The following DOCK6 variants were observed in gnomAD, a reference collection of about 807,000 sequenced individuals.
DOCK6 encodes the protein dedicator of cytokinesis protein 6.
In DOCK6, 167 loss-of-function variants were observed where a neutral mutation model predicts 230.3. The observed-to-expected ratio is 0.73, with a 90% CI of 0.64 to 0.82. DOCK6 has a LOEUF of 0.82. Ranked by LOEUF, DOCK6 falls within the 40% of genes least tolerant of loss-of-function variation. The pLI is 0.00. For synonymous variants in DOCK6, 1,148 were observed against 1,185.0 expected (o/e 0.97, Z 0.64); for missense variants, 2,598 against 2,825.8 (o/e 0.92, Z 1.83).
intron 14 of DOCK6, chr19:11,239,516 C>T: frequency 8.1e-7 from 1 of 1,232,438 alleles, no homozygotes. Context: ...GCACCACTGC[C>T]AGGCCCTTGT....
chr19:11,257,482 T>A (rs1253015365), intron 1 of DOCK6, among the ~76,000 whole-genome samples: 3 of 78,626 alleles, frequency 3.8e-5, no homozygotes, highest in Non-Finnish European at 4.5e-5. Context: ...CACTGTCTCT[T>A]AAAAAAAAAA....
At chr19:11,232,106 G>A in intron 22 of DOCK6, 1 of 1,117,300 alleles carries the variant, frequency 9.0e-7, no homozygotes, top group Non-Finnish European at 1.2e-6. Context: ...CCCTAGGTTA[G>A]TCAGATGCAG....
chr19:11,209,116 T>TGAGGGGGGATGTGAG lies in DOCK6; in HGVS notation c.4752-28_4752-14dup, dbSNP rs1568671723. On this transcript the variant is annotated splice_polypyrimidine_tract_variant and intron_variant, in intron 37 of 47. Coordinates refer to ENST00000294618, the MANE Select transcript of DOCK6 (RefSeq NM_020812.4). ...GCCCCGGGCAATTCTGGAGTCCAGG[T>TGAGGGGGGATGTGAG]GAGGGGGGATGTGAGGAGGGGACTC... is the stretch of plus-strand genomic sequence containing the variant. The TGAGGGGGGATGTGAG allele has an allele frequency of 6.2e-7, 1 of 1,607,886 alleles. No individual in the cohort carries two copies.
rs1262685548 is a variant in DOCK6 at position 11,243,282 on chromosome 19, T to C, written c.1362A>G (p.Leu454=). The C allele has an allele frequency of 6.2e-7, 1 of 1,608,852 alleles. No homozygotes were observed. Among genetic ancestry groups the C allele is most frequent in the Non-Finnish European group, 8.5e-7 (1 of 1,177,712 alleles). ...CCTGCTTAAAGAAGTTTGTGACAGT[T>C]AGCGTGGCTGGACGGAAGCCAGAGA... ...CSFSGFRPAT[L]TVTNFFKQEA... The change falls in exon 12 of 48, where the codon CTA becomes CTG. Residue 454 remains leucine (L), a synonymous_variant. Transcript: ENST00000294618. The surrounding 1 kb of genome is among the most constrained non-coding windows in gnomAD (Gnocchi z 6.3).
chr19:11,246,712 G>A (rs765067501), intron 7 of DOCK6, among the ~76,000 whole-genome samples: 7 of 152,112 alleles, frequency 4.6e-5, no homozygotes, highest in Non-Finnish European at 7.4e-5. Context: ...CAACTTCCGG[G>A]TTTCCCCATC....
At position 11,222,706 on chromosome 19, in the gene DOCK6, G is replaced by C. The variant is rs2079599383; in HGVS notation, c.3240+29C>G. On this transcript the variant is annotated intron_variant, in intron 26 of 47. Coordinates refer to ENST00000294618, the MANE Select transcript of DOCK6 (RefSeq NM_020812.4). This position sits in a 1 kb window ranked among gnomAD's most constrained non-coding sequence, Gnocchi z 4.0. ...TGAAGGTGAGAGGTTGTAGGTCAAA[G>C]AGAGGAGGCAGAAGTGAAGGCAGCC... is the stretch of plus-strand genomic sequence containing the variant. 3 of 1,547,194 alleles carry C rather than the reference G, an allele frequency of 1.9e-6. No individual in the cohort carries two copies. Among genetic ancestry groups the C allele is most frequent in the Admixed American group, 2.0e-5 (1 of 51,092 alleles).
At chr19:11,257,775 A>T (rs5027412) in intron 1 of DOCK6, among the ~76,000 whole-genome samples, 122,008 of 151,500 alleles carry the variant, frequency 0.81, 49,473 homozygotes, top group East Asian at 0.92. Context: ...GGCAACAGAA[A>T]GAAACGCTGT....
chr19:11,228,628 C>T (rs1183663147), intron 23 of DOCK6, among the ~76,000 whole-genome samples: 7 of 148,408 alleles, frequency 4.7e-5, no homozygotes, highest in South Asian at 2.1e-4. Flanking sequence ...GGCACGATCT[C>T]GGCTCACTGC....
chr19:11,250,876 C>T lies in DOCK6; in HGVS notation c.718G>A (p.Glu240Lys), dbSNP rs750510535. 5.0e-6 allele frequency: 8 copies of T among 1,593,034 alleles called. No individual in the cohort carries two copies. Among genetic ancestry groups the T allele is most frequent in the East Asian group, 2.3e-5 (1 of 44,270 alleles). The change falls in exon 6 of 48, where the codon GAG becomes AAG. Residue 240 changes from glutamate (E) to lysine (K), a missense_variant and splice_region_variant. Transcript: ENST00000294618. ...ALLTLYPAPD[E>K]DEAVERCSRP... ...GATATCTGGGAAGGGGCACCCACCT[C>T]GTCAGGTGCCGGGTAGAGGGTGAGC...
At chr19:11,227,504 G>A in intron 23 of DOCK6, 27 bp from the exon 24 acceptor site, 3 of 1,549,042 alleles carry the variant, frequency 1.9e-6, no homozygotes, top group Non-Finnish European at 2.6e-6. Context: ...AGGGCTGTGG[G>A]TGGGATTTGA....
rs2079157156 is a variant in DOCK6 at position 11,200,826 on chromosome 19, T to G, written c.5833-4A>C. On this transcript the variant is annotated splice_polypyrimidine_tract_variant and splice_region_variant and intron_variant, in intron 45 of 47. Coordinates refer to ENST00000294618, the MANE Select transcript of DOCK6 (RefSeq NM_020812.4). The surrounding 1 kb of genome is among the most constrained non-coding windows in gnomAD (Gnocchi z 4.3). ...CCTGGGCCACCTCCAGGGGACCCTG[T>G]GGGGTGAGAGGGACTGGTGAGCCAG... is the stretch of plus-strand genomic sequence containing the variant. 6.2e-7 allele frequency: 1 copy of G among 1,612,370 alleles called. No individual in the cohort carries two copies. The highest frequency in any genetic ancestry group is 1.1e-5 in the South Asian group (1 of 91,054).
chr19:11,247,379 C>G (rs998493365), intron 7 of DOCK6: 4 of 152,292 alleles, frequency 2.6e-5, no homozygotes, highest in African/African-American at 9.7e-5. Context: ...CAGGTGGGAG[C>G]CACCGTGCCC....
At chr19:11,242,021 C>T in intron 14 of DOCK6, 24 bp downstream of exon 14, 1 of 1,557,732 alleles carries the variant, frequency 6.4e-7, no homozygotes, top group East Asian at 2.3e-5. Context: ...ATTCAAGTGC[C>T]CAGCTGGGCC....
intron 39 of DOCK6, among the ~76,000 whole-genome samples, chr19:11,207,203 T>C (rs796201757): frequency 3.9e-5 from 6 of 152,180 alleles, no homozygotes; most frequent in African/African-American, 1.4e-4. Context: ...TTTATTTTAT[T>C]TATTTTTTGA....
At chr19:11,253,312 GCGAAA>G (rs2080148326) in intron 2 of DOCK6, among the ~76,000 whole-genome samples, 1 of 152,068 alleles carries the variant, frequency 6.6e-6, no homozygotes, top group South Asian at 2.1e-4. Flanking sequence ...CCCCTCTCAG[GCGAAA>G]GTCACTCCCC....
chr19:11,237,886 GCTGT>G, intron 16 of DOCK6, 107 bp from the exon 17 acceptor site: 1 of 1,423,236 alleles, frequency 7.0e-7, no homozygotes, highest in African/African-American at 1.4e-5. Context: ...CACTGTCTCT[GCTGT>G]CTGCCTCAGC....
At position 11,235,726 on chromosome 19, in the gene DOCK6, G is replaced by T; in HGVS notation, c.2426C>A (p.Ala809Asp). 1 of 1,598,554 alleles carries T rather than the reference G, an allele frequency of 6.3e-7. No homozygotes were observed. Among genetic ancestry groups the T allele is most frequent in the Non-Finnish European group, 8.5e-7 (1 of 1,172,218 alleles). The change falls in exon 21 of 48, where the codon GCC becomes GAC. Residue 809 changes from alanine to aspartate, a missense_variant. Physicochemically the swap from Ala to Asp is moderately radical, Grantham distance 126 (BLOSUM62 -2). Coordinates refer to ENST00000294618, the MANE Select transcript of DOCK6 (RefSeq NM_020812.4). ...NLGRGAFEAM[A>D]HVVSLVHRSL... is the part of the protein sequence containing the mutation. Reference sequence around the variant, plus strand: ...CCGGTGAACAAGGCTGACTACATGGGCCATTGCTTCAAAGGCTCCACGGCC... The same window carrying T: ...CCGGTGAACAAGGCTGACTACATGGTCCATTGCTTCAAAGGCTCCACGGCC...
At chr19:11,238,434 A>T in intron 14 of DOCK6, 130 bp from the exon 15 acceptor site, 1 of 777,256 alleles carries the variant, frequency 1.3e-6, no homozygotes, top group Non-Finnish European at 2.1e-6. Context: ...AGGCTGGGGC[A>T]TTGAGGGCCC....
chr19:11,260,319 G>A (rs144159001), intron 1 of DOCK6, among the ~76,000 whole-genome samples: 2,219 of 152,184 alleles, frequency 0.015, 57 homozygotes, highest in African/African-American at 0.05. Context: ...AATGGCTCAC[G>A]CCTGTAATCC....
Sources: gnomAD v4.1 joint callset for allele counts (sites outside exome capture counted in the v4.1 genomes callset) on GRCh38, gnomAD v4.1.1 for gene constraint, Gnocchi (gnomAD v3.1) non-coding constraint, MANE v1.5 for transcripts, NCBI Gene and HGNC (gene_info 2026-07-23, HGNC 2026-07-21) for gene names.